The following QRICH1 variants were observed in gnomAD, a reference collection of about 807,000 sequenced individuals.
QRICH1 encodes the protein glutamine rich 1.
A neutral mutation model predicts 87.1 loss-of-function variants in QRICH1; 16 were observed. The ratio of observed to expected loss-of-function variants is 0.18; its 90% CI spans 0.12 to 0.28. QRICH1 has a LOEUF of 0.28. Ranked by LOEUF, QRICH1 falls within the 10% of genes least tolerant of loss-of-function variation. The pLI, the probability that QRICH1 is intolerant of heterozygous loss-of-function variation, is 1.00. For synonymous variants in QRICH1, 367 were observed against 368.4 expected (o/e 1.00, Z 0.05); for missense variants, 647 against 951.7 (o/e 0.68, Z 4.21).
At chr3:49,042,289 C>T (rs576239073) in intron 6 of QRICH1, among the ~76,000 whole-genome samples, 6 of 151,572 alleles carry the variant, frequency 4.0e-5, no homozygotes, top group East Asian at 2.0e-4. Flanking sequence ...TTAGTAGAGA[C>T]GGGGTTTCAC....
intron 3 of QRICH1, among the ~76,000 whole-genome samples, chr3:49,055,779 TCTC>T (rs537542412): frequency 6.6e-6 from 1 of 152,122 alleles, no homozygotes; most frequent in South Asian, 2.1e-4. Context: ...TTCAAGCAAT[TCTC>T]CTGCTTCAGC....
At chr3:49,033,538 G>A (rs2093255524) in intron 6 of QRICH1, 2 of 231,002 alleles carry the variant, frequency 8.7e-6, no homozygotes, top group Admixed American at 1.1e-4. Flanking sequence ...CAGAGACAGT[G>A]AAGTACAGAA....
chr3:49,086,459 G>A (rs1199958861), intron 1 of QRICH1, among the ~76,000 whole-genome samples: 2 of 151,734 alleles, frequency 1.3e-5, no homozygotes, highest in African/African-American at 2.4e-5. Flanking sequence ...GGGTTTCGCC[G>A]TGTTAGCCAG....
At chr3:49,047,569 C>T (rs1265859442) in intron 3 of QRICH1, among the ~76,000 whole-genome samples, 4 of 151,174 alleles carry the variant, frequency 2.6e-5, no homozygotes, top group South Asian at 2.1e-4. Context: ...CTGCACCCTC[C>T]GCCTCCCGGG....
intron 1 of QRICH1, chr3:49,092,201 T>G (rs578257783): frequency 4.6e-4 from 70 of 152,282 alleles, no homozygotes; most frequent in African/African-American, 1.5e-3. Flanking sequence ...CTGACTTATA[T>G]CCTAAGAGGA....
chr3:49,082,386 T>G (rs1228305122), intron 1 of QRICH1, among the ~76,000 whole-genome samples: 2 of 152,216 alleles, frequency 1.3e-5, no homozygotes, highest in African/African-American at 4.8e-5. Context: ...ACAATTCTGC[T>G]GCCTATGTCA....
chr3:49,075,366 C>T (rs909042263), intron 2 of QRICH1, among the ~76,000 whole-genome samples: 1 of 151,162 alleles, frequency 6.6e-6, no homozygotes, highest in East Asian at 1.9e-4. Context: ...CGCCGTGGCT[C>T]ATGCCTGTAA....
intron 1 of QRICH1, among the ~76,000 whole-genome samples, chr3:49,082,556 G>C (rs1199155611): frequency 6.6e-6 from 1 of 151,782 alleles, no homozygotes; most frequent in African/African-American, 2.4e-5. Context: ...AAAGTTACTT[G>C]CTATAAACCA....
At chr3:49,079,492 T>A (rs1325959955) in intron 1 of QRICH1, among the ~76,000 whole-genome samples, 3 of 147,922 alleles carry the variant, frequency 2.0e-5, no homozygotes, top group East Asian at 3.9e-4. Flanking sequence ...AAAAATATTA[T>A]AATTATAATA....
chr3:49,060,942 C>A (rs1482641317), intron 2 of QRICH1, among the ~76,000 whole-genome samples: 1 of 151,398 alleles, frequency 6.6e-6, no homozygotes, highest in African/African-American at 2.4e-5. Context: ...ACCAGCCTGG[C>A]CAACATGGTG....
At chr3:49,037,344 A>C (rs866262706) in intron 6 of QRICH1, among the ~76,000 whole-genome samples, 2 of 152,252 alleles carry the variant, frequency 1.3e-5, no homozygotes, top group Non-Finnish European at 2.9e-5. Flanking sequence ...TACAGAGTGC[A>C]ATCAGCAAAA....
chr3:49,032,855 G>C, intron 7 of QRICH1, 82 bp from the exon 8 acceptor site: 1 of 1,469,890 alleles, frequency 6.8e-7, no homozygotes, highest in Non-Finnish European at 9.2e-7. Context: ...TGGTGCTTCA[G>C]AGGAGCCACT....
chr3:49,044,003 T>C (rs1001508781), intron 6 of QRICH1, among the ~76,000 whole-genome samples: 3 of 152,152 alleles, frequency 2.0e-5, no homozygotes, highest in African/African-American at 7.2e-5. Context: ...AAACACTGAA[T>C]AACCTATGCT....
rs1350130360 is a variant in QRICH1 at position 49,062,336 on chromosome 3, G to GA, written c.310-4447dup. Among the ~76,000 whole-genome samples the GA allele has an allele frequency of 7.9e-3, 713 of 89,778 alleles. 3 individuals carry two copies. The highest frequency in any genetic ancestry group is 0.017 in the African/African-American group (406 of 24,450). 58.9% of individuals were successfully genotyped at this position (89,778 alleles called of 152,430 possible). On this transcript the variant is annotated intron_variant, in intron 2 of 9. Transcript: ENST00000395443. ...AAGGACAGAGTGAGACTCCATCTCAGAAAAAAAAAAAAACAAGAAAAAATT... is the reference window on the plus strand; with the variant it reads ...AAGGACAGAGTGAGACTCCATCTCAGAAAAAAAAAAAAAACAAGAAAAAATT...
chr3:49,080,381 C>A (rs1017645513), intron 1 of QRICH1, among the ~76,000 whole-genome samples: 7 of 151,904 alleles, frequency 4.6e-5, no homozygotes, highest in Admixed American at 4.6e-4. Context: ...GCAGCAAAAA[C>A]CTGTTTTGTC....
chr3:49,066,394 C>T (rs1200064565), intron 2 of QRICH1, among the ~76,000 whole-genome samples: 1 of 151,968 alleles, frequency 6.6e-6, no homozygotes. Flanking sequence ...TGTCAAAAAT[C>T]TGGTTACTAT....
chr3:49,083,222 G>GC (rs1267768250), intron 1 of QRICH1: 1 of 136,760 alleles, frequency 7.3e-6, no homozygotes, highest in Non-Finnish European at 1.6e-5. Context: ...AAAAAAAAAG[G>GC]GGGGGGGGGA....
rs181165388 is a variant in QRICH1 at position 49,030,448 on chromosome 3, C to T, written c.*4G>A. On this transcript the variant is annotated 3_prime_UTR_variant, in exon 10 of 10. Transcript: ENST00000395443. ...GGTTTCTCTTGTGCCATGGCCAAGG[C>T]ATCTCAGTGCATAGTGCTTGCATTG... The T allele has an allele frequency of 2.5e-6, 4 of 1,612,370 alleles. No individual in the cohort carries two copies. The highest frequency in any genetic ancestry group is 1.3e-5 in the African/African-American group (1 of 74,964).
chr3:49,045,601 TTTTTC>T (rs536287057), intron 5 of QRICH1, among the ~76,000 whole-genome samples: 16 of 151,694 alleles, frequency 1.1e-4, no homozygotes, highest in African/African-American at 3.9e-4. Flanking sequence ...CAGCTAATTT[TTTTTC>T]TTTTCGTTTT....
Sources: allele counts gnomAD v4.1 joint callset (sites outside exome capture counted in the v4.1 genomes callset), GRCh38; gene constraint gnomAD v4.1.1; transcripts MANE v1.5; gene names NCBI Gene and HGNC (gene_info 2026-07-23, HGNC 2026-07-21).